ADGRB3: variants seen among roughly 807,000 people sequenced by gnomAD.
ADGRB3 encodes the protein brain-specific angiogenesis inhibitor 3.
ADGRB3 carries 37 observed loss-of-function variants against 193.4 expected under a neutral mutation model. The ratio of observed to expected loss-of-function variants is 0.19; its 90% confidence interval spans 0.15 to 0.25. ADGRB3 has a LOEUF of 0.25. Ranked by LOEUF, ADGRB3 falls within the 10% of genes least tolerant of loss-of-function variation. ADGRB3 has a pLI of 1.00. For missense variants in ADGRB3, 1,637 were observed against 1,852.9 expected, an observed-to-expected ratio of 0.88 and a Z score of 2.14; for synonymous variants, 690 against 644.2, an observed-to-expected ratio of 1.07 and a Z score of -1.08.
At chr6:69,210,639 T>A (rs1470324984) in intron 17 of ADGRB3, among the ~76,000 whole-genome samples, 3 of 152,114 alleles carry the variant, frequency 2.0e-5, no homozygotes, top group African/African-American at 4.8e-5. Flanking sequence ...TGCCTTGCTT[T>A]CCCAAAGTGT....
intron 17 of ADGRB3, among the ~76,000 whole-genome samples, chr6:69,204,806 TA>T (rs1235000000): frequency 6.6e-6 from 1 of 152,180 alleles, no homozygotes; most frequent in African/African-American, 2.4e-5. Flanking sequence ...TCCAAGACTG[TA>T]AAATTATGCA....
intron 3 of ADGRB3, among the ~76,000 whole-genome samples, chr6:68,698,443 A>T (rs1002547078): frequency 6.6e-6 from 1 of 152,014 alleles, no homozygotes; most frequent in Non-Finnish European, 1.5e-5. Flanking sequence ...TTCAAAATAA[A>T]TAGGAACTCT....
intron 20 of ADGRB3, among the ~76,000 whole-genome samples, chr6:69,268,000 G>A (rs1183743678): frequency 6.6e-6 from 1 of 152,008 alleles, no homozygotes; most frequent in Non-Finnish European, 1.5e-5. Flanking sequence ...TCTAGTTTCT[G>A]CTTATAGGGC....
chr6:69,136,270 C>G (rs1774146859), intron 17 of ADGRB3, among the ~76,000 whole-genome samples: 1 of 152,018 alleles, frequency 6.6e-6, no homozygotes, highest in South Asian at 2.1e-4. Flanking sequence ...TGGTTTATCT[C>G]TCTCATATTC....
At chr6:69,015,712 T>C (rs1352780266) in intron 12 of ADGRB3, among the ~76,000 whole-genome samples, 1 of 151,998 alleles carries the variant, frequency 6.6e-6, no homozygotes, top group Non-Finnish European at 1.5e-5. Flanking sequence ...CTATTGACAT[T>C]GGAAGTTTTT....
intron 20 of ADGRB3, among the ~76,000 whole-genome samples, chr6:69,310,386 A>T (rs983242289): frequency 2.0e-5 from 3 of 151,712 alleles, no homozygotes; most frequent in African/African-American, 4.8e-5. Context: ...CTAATTTTTC[A>T]TGCTGTGAAA....
chr6:69,019,949 T>C (rs1770214981), intron 13 of ADGRB3, among the ~76,000 whole-genome samples: 1 of 151,990 alleles, frequency 6.6e-6, no homozygotes, highest in South Asian at 2.1e-4. Context: ...CGGTATAACA[T>C]GTCTGTGGAA....
chr6:69,208,079 A>G (rs1487462278), intron 17 of ADGRB3, among the ~76,000 whole-genome samples: 1 of 152,212 alleles, frequency 6.6e-6, no homozygotes, highest in Non-Finnish European at 1.5e-5. Context: ...TAGCCAGGTC[A>G]GCCTTGGTAA....
intron 20 of ADGRB3, among the ~76,000 whole-genome samples, chr6:69,296,768 A>G (rs1725324675): frequency 6.6e-6 from 1 of 152,120 alleles, no homozygotes; most frequent in African/African-American, 2.4e-5. Context: ...CCAAGACATG[A>G]TAGTTCATAG....
intron 17 of ADGRB3, among the ~76,000 whole-genome samples, chr6:69,139,561 G>C (rs1026091464): frequency 2.0e-5 from 3 of 152,218 alleles, no homozygotes; most frequent in Admixed American, 6.5e-5. Flanking sequence ...CTTATATATA[G>C]AAAATGCAGA....
chr6:68,789,234 A>G (rs1294670352), intron 3 of ADGRB3, among the ~76,000 whole-genome samples: 1 of 152,078 alleles, frequency 6.6e-6, no homozygotes, highest in Non-Finnish European at 1.5e-5. Context: ...TAGTTGATGC[A>G]GTTTCTTCCT....
intron 23 of ADGRB3, chr6:69,332,535 T>C (rs1282708308): frequency 4.1e-6 from 4 of 985,276 alleles, no homozygotes; most frequent in Non-Finnish European, 4.8e-6. Flanking sequence ...AACCTCATAC[T>C]CTAAGATTCA....
At chr6:69,157,269 T>C (rs1774867780) in intron 17 of ADGRB3, among the ~76,000 whole-genome samples, 1 of 152,088 alleles carries the variant, frequency 6.6e-6, no homozygotes, top group African/African-American at 2.4e-5. Flanking sequence ...AATAAAACAA[T>C]AGGACACTGA....
intron 3 of ADGRB3, among the ~76,000 whole-genome samples, chr6:68,691,593 T>C (rs1765073387): frequency 6.6e-6 from 1 of 152,056 alleles, no homozygotes; most frequent in Admixed American, 6.6e-5. Context: ...TTGACTTTTG[T>C]TGTCACTATC....
chr6:69,086,873 G>A (rs1408027223), intron 17 of ADGRB3, among the ~76,000 whole-genome samples: 1 of 152,044 alleles, frequency 6.6e-6, no homozygotes, highest in African/African-American at 2.4e-5. Context: ...TTTTAAAGGG[G>A]GAGAATGACA....
chr6:68,974,644 GAA>G (rs1768688209), intron 8 of ADGRB3, 117 bp from the exon 9 acceptor site: 2 of 730,338 alleles, frequency 2.7e-6, no homozygotes, highest in Non-Finnish European at 4.5e-6. Flanking sequence ...CTAAAAAAAA[GAA>G]AGAAAAAAAA....
chr6:69,387,537 T>C (rs138491102), intron 31 of ADGRB3, among the ~76,000 whole-genome samples: 1 of 152,106 alleles, frequency 6.6e-6, no homozygotes, highest in Non-Finnish European at 1.5e-5. Context: ...ATTTTATTAA[T>C]TTAATTTCCA....
chr6:69,096,568 G>C (rs1772884108), intron 17 of ADGRB3, among the ~76,000 whole-genome samples: 1 of 151,966 alleles, frequency 6.6e-6, no homozygotes, highest in South Asian at 2.1e-4. Context: ...GGAGTTACCT[G>C]GTTAACTTAA....
chr6:69,015,092 T>A (rs1021193755), intron 12 of ADGRB3, among the ~76,000 whole-genome samples: 1 of 152,042 alleles, frequency 6.6e-6, no homozygotes, highest in Non-Finnish European at 1.5e-5. Context: ...GTCCTTGGCT[T>A]TCTTCTAGAG....
Sources: allele counts gnomAD v4.1 joint callset (sites outside exome capture counted in the v4.1 genomes callset), GRCh38; gene constraint gnomAD v4.1.1; transcripts MANE v1.5; gene names NCBI Gene and HGNC (gene_info 2026-07-23, HGNC 2026-07-21).